The following RIMS1 variants were observed in gnomAD, a reference collection of about 807,000 sequenced individuals.
RIMS1 encodes the protein regulating synaptic membrane exocytosis protein 1.
In RIMS1, 83 loss-of-function variants were observed where a neutral mutation model predicts 214.1. The ratio of observed to expected loss-of-function variants is 0.39; its 90% CI spans 0.32 to 0.47. The LOEUF is 0.47. Among genes scored for constraint, RIMS1 ranks in the 20% least tolerant of loss-of-function variants. RIMS1 has a pLI of 0.99. For missense variants in RIMS1, 2,050 were observed against 2,161.8 expected (o/e 0.95, Z 1.03); for synonymous variants, 793 against 786.8 (o/e 1.01, Z -0.13).
Position 72,307,513 on chromosome 6 carries a change from G to C in RIMS1, c.3963+143G>C, listed in dbSNP as rs138867334. On this transcript the variant is annotated intron_variant, in intron 27 of 33. Transcript: ENST00000521978. Reference sequence around the variant, plus strand: ...GTAGCTCACACCTGTAATCCCAGCAGTTTGGGAGGCCAAGGCAGGCACATC... The same window carrying C: ...GTAGCTCACACCTGTAATCCCAGCACTTTGGGAGGCCAAGGCAGGCACATC... The C allele has an allele frequency of 8.2e-3, 4,170 of 507,520 alleles. 25 individuals are homozygous for C. The highest frequency in any genetic ancestry group is 0.011 in the Non-Finnish European group (3,386 of 294,636). The allele number at this position is 507,520 out of a possible 1,614,324, so 31.4% of individuals were successfully genotyped here.
intron 4 of RIMS1, among the ~76,000 whole-genome samples, chr6:72,132,619 A>G (rs965891038): frequency 3.3e-4 from 51 of 152,314 alleles, no homozygotes; most frequent in African/African-American, 1.2e-3. Context: ...CAATTGCTCC[A>G]GGTCATGCTT....
At position 71,923,597 on chromosome 6, in the gene RIMS1, C is replaced by T. The variant is rs1282390267; in HGVS notation, c.164+36410C>T. Among the ~76,000 whole-genome samples the T allele has an allele frequency of 4.0e-5, 6 of 150,766 alleles. No homozygotes were observed. The East Asian group carries it at 1.2e-3, about 29-fold the overall frequency. ...CTTTTTTTTTTTTGAGACAGAGTTT[C>T]GCTCTTGTTTCCCAGCTGGAGTGCA... On this transcript the variant is annotated intron_variant, in intron 1 of 33. Coordinates refer to ENST00000521978, the MANE Select transcript of RIMS1 (RefSeq NM_014989.7).
At chr6:71,927,366 C>T (rs922749960) in intron 1 of RIMS1, among the ~76,000 whole-genome samples, 1 of 152,064 alleles carries the variant, frequency 6.6e-6, no homozygotes, top group Non-Finnish European at 1.5e-5. Context: ...AAAATTATTA[C>T]AGTTAACTGC....
intron 6 of RIMS1, among the ~76,000 whole-genome samples, chr6:72,189,244 A>G (rs960908716): frequency 2.6e-5 from 4 of 152,192 alleles, no homozygotes; most frequent in Non-Finnish European, 5.9e-5. Flanking sequence ...GCAAAGTATT[A>G]TCACCTAGTT....
chr6:72,360,458 C>G (rs750303229), intron 29 of RIMS1, among the ~76,000 whole-genome samples: 7 of 152,228 alleles, frequency 4.6e-5, no homozygotes, highest in Middle Eastern at 3.4e-3. Context: ...GCCAAAGGGT[C>G]TACAGTACAC....
intron 4 of RIMS1, 121 bp from the exon 5 acceptor site, chr6:72,179,454 A>G (rs1299154959): frequency 2.2e-6 from 2 of 896,224 alleles, no homozygotes; most frequent in Non-Finnish European, 3.6e-6. Flanking sequence ...TTCACAAGAA[A>G]TTTGCAAGGA....
intron 29 of RIMS1, among the ~76,000 whole-genome samples, chr6:72,341,417 A>G (rs1195807573): frequency 6.6e-6 from 1 of 151,854 alleles, no homozygotes; most frequent in Middle Eastern, 3.2e-3. Context: ...TCATCTCAGG[A>G]CAGATCTCAA....
At chr6:72,041,869 A>G (rs2152086956) in intron 2 of RIMS1, among the ~76,000 whole-genome samples, 1 of 152,040 alleles carries the variant, frequency 6.6e-6, no homozygotes, top group Admixed American at 6.6e-5. Flanking sequence ...AGTTAAGGAA[A>G]CGGAGACTTA....
chr6:72,228,532 G>A (rs1372789747), intron 6 of RIMS1, among the ~76,000 whole-genome samples: 1 of 151,780 alleles, frequency 6.6e-6, no homozygotes, highest in Non-Finnish European at 1.5e-5. Flanking sequence ...TAGTAATACT[G>A]TGTTGTATGT....
chr6:71,973,332 A>G (rs1229422901), intron 2 of RIMS1, among the ~76,000 whole-genome samples: 10 of 152,144 alleles, frequency 6.6e-5, no homozygotes, highest in Admixed American at 6.6e-4. Context: ...AATTTAAACC[A>G]TATACTGACT....
chr6:72,054,525 T>G (rs1379706117), intron 2 of RIMS1, among the ~76,000 whole-genome samples: 2 of 152,202 alleles, frequency 1.3e-5, no homozygotes, highest in Non-Finnish European at 2.9e-5. Context: ...ATGGTTGAAC[T>G]AATTTACATT....
intron 29 of RIMS1, among the ~76,000 whole-genome samples, chr6:72,352,538 A>G (rs1227255537): frequency 6.6e-6 from 1 of 152,188 alleles, no homozygotes; most frequent in Admixed American, 6.5e-5. Context: ...AATTTACCCT[A>G]AAAGTATAAA....
At chr6:72,007,075 A>C (rs751924658) in intron 2 of RIMS1, among the ~76,000 whole-genome samples, 3 of 152,184 alleles carry the variant, frequency 2.0e-5, no homozygotes, top group Non-Finnish European at 4.4e-5. Context: ...GGCCCCCCCA[A>C]GTAGGGGCAG....
chr6:72,179,878 G>T lies in RIMS1; in HGVS notation c.775G>T (p.Ala259Ser), dbSNP rs1334387532. The T allele has an allele frequency of 3.2e-6, 5 of 1,573,608 alleles. No homozygotes were observed. The highest frequency in any genetic ancestry group is 4.3e-6 in the Non-Finnish European group (5 of 1,160,736). ...AGCCTTGGGGCCTGAACAGAAGCAG[G>T]CTTCATCCAGGTCTAGAAGTGAACC... The part of the protein sequence containing the change: ...QQALGPEQKQ[A>S]SSRSRSEPPR... Residue 259 changes from alanine (A) to serine (S), a missense_variant, in exon 5 of 34, where the codon GCT (alanine) becomes TCT (serine). By Grantham distance (99) the Ala-to-Ser change is moderately conservative (BLOSUM62 1). Coordinates refer to ENST00000521978, the MANE Select transcript of RIMS1 (RefSeq NM_014989.7).
At chr6:72,057,171 TA>T (rs1446679096) in intron 2 of RIMS1, among the ~76,000 whole-genome samples, 7 of 152,010 alleles carry the variant, frequency 4.6e-5, no homozygotes, top group East Asian at 1.9e-4. Context: ...AAGTAAAAGT[TA>T]AAAAAAATTC....
At chr6:72,269,075 T>C (rs931259001) in intron 22 of RIMS1, among the ~76,000 whole-genome samples, 1 of 152,098 alleles carries the variant, frequency 6.6e-6, no homozygotes, top group African/African-American at 2.4e-5. Context: ...TCCTTGGCCT[T>C]TCAGAGCAAT....
At chr6:72,366,142 G>A (rs2098008218) in intron 29 of RIMS1, among the ~76,000 whole-genome samples, 1 of 152,122 alleles carries the variant, frequency 6.6e-6, no homozygotes, top group Admixed American at 6.5e-5. Context: ...TCTATTTCCA[G>A]TGTTCTAGTG....
intron 4 of RIMS1, chr6:72,175,458 A>G: frequency 3.2e-6 from 1 of 308,318 alleles, no homozygotes; most frequent in Admixed American, 4.3e-5. Flanking sequence ...GGATCACCTG[A>G]GGTCAGGAGT....
At chr6:72,259,468 T>C (rs989695649) in intron 18 of RIMS1, among the ~76,000 whole-genome samples, 1 of 152,140 alleles carries the variant, frequency 6.6e-6, no homozygotes, top group Non-Finnish European at 1.5e-5. Flanking sequence ...TATGAAGTAA[T>C]CATAAAAATT....
Sources: allele counts gnomAD v4.1 joint callset (sites outside exome capture counted in the v4.1 genomes callset), GRCh38; gene constraint gnomAD v4.1.1; transcripts MANE v1.5; gene names NCBI Gene and HGNC (gene_info 2026-07-23, HGNC 2026-07-21).